TWSG1: variants seen among roughly 807,000 people sequenced by gnomAD.
The protein encoded by TWSG1 is twisted gastrulation protein homolog 1.
In TWSG1, 15 loss-of-function variants were observed where a neutral mutation model predicts 23.0. That is an observed-to-expected ratio of 0.65 (90% CI 0.44 to 1.00). TWSG1 has a LOEUF of 1.00. TWSG1 is among the 50% of genes least tolerant of loss of function. The probability of loss-of-function intolerance (pLI) is 0.00; values close to 1 mark genes in which losing one functional copy is unlikely to be tolerated. For missense variants in TWSG1, 242 were observed against 278.7 expected, an observed-to-expected ratio of 0.87 and a Z score of 0.94; for synonymous variants, 86 against 92.8, an observed-to-expected ratio of 0.93 and a Z score of 0.42.
chr18:9,379,499 C>A (rs186534685), intron 3 of TWSG1, among the ~76,000 whole-genome samples: 1 of 152,094 alleles, frequency 6.6e-6, no homozygotes, highest in African/African-American at 2.4e-5. Context: ...ACAACAGACA[C>A]TGAGGCCTAC....
At chr18:9,361,237 T>C (rs1171790951) in intron 3 of TWSG1, among the ~76,000 whole-genome samples, 7 of 152,208 alleles carry the variant, frequency 4.6e-5, no homozygotes, top group Non-Finnish European at 7.3e-5. Flanking sequence ...CCAAGAGCCC[T>C]TCTCTGATTG....
intron 2 of TWSG1, among the ~76,000 whole-genome samples, chr18:9,340,321 T>G (rs1202171382): frequency 8.0e-6 from 1 of 125,148 alleles, no homozygotes; most frequent in African/African-American, 3.2e-5. Flanking sequence ...TGAGCCAAGA[T>G]CATGCCACTG....
chr18:9,358,027 G>A (rs1382527728), intron 2 of TWSG1, among the ~76,000 whole-genome samples: 4 of 152,024 alleles, frequency 2.6e-5, no homozygotes, highest in Non-Finnish European at 5.9e-5. Context: ...TTTTTGGTTG[G>A]AAATAAATAA....
chr18:9,360,079 G>T lies in TWSG1; in HGVS notation c.223+8G>T. The T allele has an allele frequency of 6.2e-7, 1 of 1,600,018 alleles. No homozygotes were observed. Among genetic ancestry groups the T allele is most frequent in the South Asian group, 1.1e-5 (1 of 90,566 alleles). Reference sequence around the variant, plus strand: ...AGTGCTGTGACTGTGTTGGTAAGTTGATACCAAGGGAGACTTCTTAATATT... The same window carrying T: ...AGTGCTGTGACTGTGTTGGTAAGTTTATACCAAGGGAGACTTCTTAATATT... On this transcript the variant is annotated splice_region_variant and intron_variant, in intron 3 of 4. Transcript: ENST00000262120.
intron 2 of TWSG1, 59 bp from the exon 3 acceptor site, chr18:9,359,913 G>A: frequency 2.2e-6 from 3 of 1,390,712 alleles, no homozygotes; most frequent in Non-Finnish European, 3.0e-6. Context: ...TGCTTAAAAA[G>A]TAGCAGTTTT....
intron 3 of TWSG1, among the ~76,000 whole-genome samples, chr18:9,365,822 G>A (rs769989350): frequency 1.3e-5 from 2 of 152,060 alleles, no homozygotes; most frequent in Non-Finnish European, 2.9e-5. Context: ...GCGACACAGG[G>A]AGACTCTGTC....
intron 2 of TWSG1, among the ~76,000 whole-genome samples, chr18:9,355,347 CAG>C (rs998145038): frequency 3.3e-5 from 5 of 152,166 alleles, no homozygotes; most frequent in African/African-American, 1.2e-4. Context: ...TGTTTCATCA[CAG>C]AGAGTTGTTC....
At chr18:9,368,375 G>GT in intron 3 of TWSG1, among the ~76,000 whole-genome samples, 1 of 152,072 alleles carries the variant, frequency 6.6e-6, no homozygotes, top group Admixed American at 6.5e-5. Flanking sequence ...TAATTTTTTT[G>GT]TATTTTTAGG....
intron 2 of TWSG1, among the ~76,000 whole-genome samples, chr18:9,346,394 C>A (rs893107449): frequency 6.6e-6 from 1 of 152,124 alleles, no homozygotes; most frequent in African/African-American, 2.4e-5. Context: ...ATTAATATTG[C>A]ACTCACTGAT....
intron 3 of TWSG1, among the ~76,000 whole-genome samples, chr18:9,376,591 C>T (rs1306122186): frequency 2.6e-5 from 4 of 152,144 alleles, no homozygotes; most frequent in African/African-American, 7.2e-5. Context: ...CCTGTAATCT[C>T]ACCCCTTTGA....
chr18:9,343,120 G>A (rs1388508236), intron 2 of TWSG1, among the ~76,000 whole-genome samples: 1 of 150,964 alleles, frequency 6.6e-6, no homozygotes, highest in African/African-American at 2.4e-5. Context: ...TCTAGTGTTG[G>A]TCTTTTCATT....
intron 2 of TWSG1, among the ~76,000 whole-genome samples, chr18:9,347,664 C>G (rs1283330003): frequency 1.3e-5 from 2 of 152,054 alleles, no homozygotes; most frequent in East Asian, 3.8e-4. Context: ...CATATTAGCT[C>G]TTTTCTATCC....
At chr18:9,386,398 G>A (rs959791581) in intron 3 of TWSG1, among the ~76,000 whole-genome samples, 12 of 150,120 alleles carry the variant, frequency 8.0e-5, no homozygotes, top group Admixed American at 6.7e-4. Flanking sequence ...AGCTTGCAGT[G>A]AGCCAAGATC....
At chr18:9,339,406 G>A (rs1448726747) in intron 2 of TWSG1, among the ~76,000 whole-genome samples, 1 of 152,032 alleles carries the variant, frequency 6.6e-6, no homozygotes, top group African/African-American at 2.4e-5. Context: ...TCAGCCTCTG[G>A]TGTAGCTGGG....
At chr18:9,341,179 G>A (rs1444102878) in intron 2 of TWSG1, among the ~76,000 whole-genome samples, 2 of 152,188 alleles carry the variant, frequency 1.3e-5, no homozygotes, top group East Asian at 1.9e-4. Flanking sequence ...ACAGTGTCAT[G>A]TTGTAAGCTG....
intron 3 of TWSG1, among the ~76,000 whole-genome samples, chr18:9,374,566 C>A (rs376187912): frequency 5.4e-4 from 82 of 152,240 alleles, no homozygotes; most frequent in African/African-American, 1.8e-3. Flanking sequence ...AAGTACCAGA[C>A]CCAATGGGTT....
chr18:9,397,885 T>A (rs758067807), intron 4 of TWSG1, among the ~76,000 whole-genome samples: 3 of 151,548 alleles, frequency 2.0e-5, no homozygotes, highest in Non-Finnish European at 2.9e-5. Flanking sequence ...ATGCCTGTAA[T>A]CCCAGCTACT....
Position 9,389,379 on chromosome 18 carries a change from G to A in TWSG1, c.224-6901G>A, listed in dbSNP as rs115538423. ...CTTTTTGATACCACTTAAAGATTAC[G>A]TATAGATATAGTTATTAGAAAGAGT... On this transcript the variant is annotated intron_variant, in intron 3 of 4. Transcript: ENST00000262120. Among the ~76,000 whole-genome samples, 514 of 152,152 alleles carry A rather than the reference G, an allele frequency of 3.4e-3. 2 individuals are homozygous for A. Among genetic ancestry groups the A allele is most frequent in the African/African-American group, 0.012 (488 of 41,514 alleles).
At chr18:9,367,551 C>T (rs2040585649) in intron 3 of TWSG1, among the ~76,000 whole-genome samples, 1 of 152,136 alleles carries the variant, frequency 6.6e-6, no homozygotes, top group South Asian at 2.1e-4. Context: ...CAGTCCGCCG[C>T]CTCTTAGGAA....
Sources: allele counts gnomAD v4.1 joint callset (sites outside exome capture counted in the v4.1 genomes callset), GRCh38; gene constraint gnomAD v4.1.1; transcripts MANE v1.5; gene names NCBI Gene and HGNC (gene_info 2026-07-23, HGNC 2026-07-21).